NTRK2: variants seen among roughly 807,000 people sequenced by gnomAD.
NTRK2 encodes the protein BDNF/NT-3 growth factors receptor.
NTRK2 carries 13 observed loss-of-function variants against 94.5 expected under a neutral mutation model. That is an observed-to-expected ratio of 0.14 (90% CI 0.09 to 0.22). The LOEUF (loss-of-function observed/expected upper bound fraction) is 0.22, where lower values mean the gene tolerates loss of function less well. NTRK2 is among the 10% of genes least tolerant of loss of function. NTRK2 has a pLI of 1.00. For synonymous variants in NTRK2, 372 were observed against 407.4 expected (o/e 0.91, Z 1.05); for missense variants, 639 against 1,071.2 (o/e 0.60, Z 5.63).
intron 6 of NTRK2, among the ~76,000 whole-genome samples, chr9:84,718,097 T>A (rs909278113): frequency 6.6e-6 from 1 of 151,972 alleles, no homozygotes; most frequent in African/African-American, 2.4e-5. Flanking sequence ...AATCTTGGAT[T>A]TTTTTCCCTC....
At chr9:84,798,912 CTATATATATATATATA>C (rs57167822) in intron 12 of NTRK2, among the ~76,000 whole-genome samples, 53,709 of 128,052 alleles carry the variant, frequency 0.42, 12,251 homozygotes, top group East Asian at 0.61. Context: ...CTTCTAAGTG[CTATATATATATATATA>C]TATATATATA....
chr9:84,875,861 A>G, intron 14 of NTRK2: 2 of 1,042,084 alleles, frequency 1.9e-6, no homozygotes, highest in Non-Finnish European at 2.3e-6. Context: ...ATAATATGTT[A>G]GTGTTGATAT....
intron 2 of NTRK2, among the ~76,000 whole-genome samples, chr9:84,686,923 GATAA>G (rs1395687505): frequency 6.6e-6 from 1 of 150,982 alleles, no homozygotes; most frequent in Non-Finnish European, 1.5e-5. Context: ...TCTTTCTTAA[GATAA>G]ATAATATAAA....
At chr9:84,871,217 G>A (rs2075853210) in intron 14 of NTRK2, among the ~76,000 whole-genome samples, 1 of 152,158 alleles carries the variant, frequency 6.6e-6, no homozygotes, top group Admixed American at 6.6e-5. Context: ...CAACGATCAG[G>A]CACGTCAATG....
chr9:84,957,583 T>A (rs1466726446), intron 17 of NTRK2, among the ~76,000 whole-genome samples: 1 of 152,196 alleles, frequency 6.6e-6, no homozygotes, highest in African/African-American at 2.4e-5. Context: ...CTGAGATGAC[T>A]ACAATAGCAA....
chr9:84,895,167 CTAAAG>C (rs2076722234), intron 14 of NTRK2, among the ~76,000 whole-genome samples: 1 of 152,164 alleles, frequency 6.6e-6, no homozygotes, highest in Non-Finnish European at 1.5e-5. Flanking sequence ...AAAATGTCTT[CTAAAG>C]TAAAGACATA....
At chr9:84,749,130 A>C (rs1026472341) in intron 11 of NTRK2, among the ~76,000 whole-genome samples, 3 of 152,188 alleles carry the variant, frequency 2.0e-5, no homozygotes, top group African/African-American at 7.2e-5. Flanking sequence ...AGGGAGGCTG[A>C]GGCAGGAGAA....
chr9:84,803,252 C>G (rs895098162), intron 12 of NTRK2, among the ~76,000 whole-genome samples: 3 of 152,184 alleles, frequency 2.0e-5, no homozygotes, highest in African/African-American at 4.8e-5. Flanking sequence ...AAGGGGATGT[C>G]TGGGTAAAGA....
intron 12 of NTRK2, among the ~76,000 whole-genome samples, chr9:84,815,990 T>TAAAAACA (rs2072354181): frequency 7.2e-6 from 1 of 139,138 alleles, no homozygotes. Context: ...AGGCAATCCT[T>TAAAAACA]AAAAAAAAAA....
intron 2 of NTRK2, among the ~76,000 whole-genome samples, chr9:84,673,103 C>CAA (rs2058803149): frequency 6.6e-6 from 1 of 152,130 alleles, no homozygotes; most frequent in African/African-American, 2.4e-5. Context: ...AGTCCTGAGA[C>CAA]AAAGTATGTT....
chr9:84,783,448 G>A (rs976616705), intron 12 of NTRK2, among the ~76,000 whole-genome samples: 20 of 152,164 alleles, frequency 1.3e-4, no homozygotes, highest in Non-Finnish European at 2.8e-4. Flanking sequence ...TACTGTCAGG[G>A]ATTTCAACTT....
At chr9:85,020,952 C>G (rs543641095) in intron 18 of NTRK2, among the ~76,000 whole-genome samples, 1 of 152,178 alleles carries the variant, frequency 6.6e-6, no homozygotes, top group Non-Finnish European at 1.5e-5. Context: ...GGTTCCATCT[C>G]AGACCAATAA....
At chr9:85,021,211 G>A (rs2117993855) in intron 18 of NTRK2, 41 bp from the exon 19 acceptor site, 3 of 1,583,312 alleles carry the variant, frequency 1.9e-6, no homozygotes, top group Non-Finnish European at 2.6e-6. Flanking sequence ...GATGTGCATT[G>A]CTTTTCCTCC....
rs999528799 is a variant in NTRK2 at position 84,670,419 on chromosome 9, A to G, written c.-330A>G. 10 of 437,706 alleles carry G rather than the reference A, an allele frequency of 2.3e-5. No homozygotes were observed. The highest frequency in any genetic ancestry group is 2.0e-4 in the African/African-American group (10 of 49,886). The allele number at this position is 437,706 out of a possible 1,614,324, so 27.1% of individuals were successfully genotyped here. The stretch of plus-strand genomic sequence containing the variant: ...GACCCCCATTCGCATCTAACAAGGA[A>G]TCTGCGCCCCAGAGAGTCCCGGGAG... On this transcript the variant is annotated 5_prime_UTR_variant, in exon 2 of 19. Coordinates refer to ENST00000277120, the MANE Select transcript of NTRK2 (RefSeq NM_006180.6).
At chr9:84,712,988 C>T (rs973612712) in intron 6 of NTRK2, among the ~76,000 whole-genome samples, 4 of 152,106 alleles carry the variant, frequency 2.6e-5, no homozygotes, top group African/African-American at 9.7e-5. Flanking sequence ...TTCTAGAATA[C>T]ACAGAAAGAA....
intron 12 of NTRK2, among the ~76,000 whole-genome samples, chr9:84,785,710 T>C (rs1198207601): frequency 1.3e-5 from 2 of 152,236 alleles, no homozygotes; most frequent in Non-Finnish European, 2.9e-5. Flanking sequence ...GGCATGATTT[T>C]TAATTGTGTA....
chr9:84,735,067 G>A (rs1207452634), intron 9 of NTRK2, among the ~76,000 whole-genome samples: 3 of 151,916 alleles, frequency 2.0e-5, no homozygotes, highest in African/African-American at 7.3e-5. Context: ...CCAATATTTA[G>A]GTACCTGGCT....
chr9:84,713,091 T>A (rs2061511483), intron 6 of NTRK2, among the ~76,000 whole-genome samples: 1 of 152,204 alleles, frequency 6.6e-6, no homozygotes, highest in South Asian at 2.1e-4. Context: ...ATTAGCAAAC[T>A]TGTTAGTGTT....
At position 84,928,409 on chromosome 9, in the gene NTRK2, G is replaced by A. The variant is rs556231138; in HGVS notation, c.1634-5753G>A. 7.2e-5 allele frequency among the ~76,000 whole-genome samples: 11 copies of A among 152,268 alleles called. No individual in the cohort carries two copies. The South Asian group carries it at 1.9e-3, about 26-fold the overall frequency. On this transcript the variant is annotated intron_variant, in intron 14 of 18. Transcript: ENST00000277120. ...TTATCAGTAGTTTTCTAATGAAATT[G>A]TTTATTAGGAGATGTGCGGCTCATT...
Sources: allele counts gnomAD v4.1 joint callset (sites outside exome capture counted in the v4.1 genomes callset), GRCh38; gene constraint gnomAD v4.1.1; transcripts MANE v1.5; gene names NCBI Gene and HGNC (gene_info 2026-07-23, HGNC 2026-07-21).